RBFOX1: variants seen among roughly 807,000 people sequenced by gnomAD.
RBFOX1 encodes RNA binding protein fox-1 homolog 1.
A neutral mutation model predicts 57.7 loss-of-function variants in RBFOX1; 8 were observed. The observed-to-expected ratio is 0.14, with a 90% confidence interval of 0.08 to 0.25. The LOEUF (loss-of-function observed/expected upper bound fraction) is 0.25, where lower values mean the gene tolerates loss of function less well. Ranked by LOEUF, RBFOX1 falls within the 10% of genes least tolerant of loss-of-function variation. The probability of loss-of-function intolerance (pLI) is 1.00; values close to 1 mark genes in which losing one functional copy is unlikely to be tolerated. For synonymous variants in RBFOX1, 326 were observed against 222.4 expected, an observed-to-expected ratio of 1.47 and a Z score of -4.15; for missense variants, 611 against 548.5, an observed-to-expected ratio of 1.11 and a Z score of -1.14.
At chr16:7,339,252 C>A (rs948077270) in intron 4 of RBFOX1, among the ~76,000 whole-genome samples, 1 of 152,118 alleles carries the variant, frequency 6.6e-6, no homozygotes, top group Non-Finnish European at 1.5e-5. Context: ...TGTGTTTATT[C>A]AGCAATTATC....
At chr16:7,358,610 G>T (rs191459828) in intron 4 of RBFOX1, among the ~76,000 whole-genome samples, 53 of 152,114 alleles carry the variant, frequency 3.5e-4, no homozygotes, top group African/African-American at 1.2e-3. Flanking sequence ...TGTAGAGACA[G>T]GGTTTCACCA....
chr16:7,185,979 A>C (rs951222083), intron 4 of RBFOX1, among the ~76,000 whole-genome samples: 6 of 152,144 alleles, frequency 3.9e-5, no homozygotes, highest in Admixed American at 3.9e-4. Flanking sequence ...ATTAGTTCCT[A>C]TGTTTATTGG....
In RBFOX1 at chr16:6,623,690, C is replaced by T. The variant is rs373000953; in HGVS notation, c.-63-30913C>T. Among the ~76,000 whole-genome samples the T allele has an allele frequency of 2.0e-4, 30 of 151,830 alleles. No homozygotes were observed. The East Asian group carries it at 2.3e-3, about 12-fold the overall frequency. ...GTTCTCACCTATGAGTGAGAACATGCGGTGTTTGGTTTTTTGTCCTTGCGA... is the reference window on the plus strand; with the variant it reads ...GTTCTCACCTATGAGTGAGAACATGTGGTGTTTGGTTTTTTGTCCTTGCGA... On this transcript the variant is annotated intron_variant, in intron 2 of 15. Transcript: ENST00000550418.
At chr16:6,156,925 G>T (rs1025901351) in intron 1 of RBFOX1, among the ~76,000 whole-genome samples, 1 of 152,082 alleles carries the variant, frequency 6.6e-6, no homozygotes, top group Non-Finnish European at 1.5e-5. Flanking sequence ...CCATAGCCCC[G>T]AACTCCTGAG....
intron 3 of RBFOX1, among the ~76,000 whole-genome samples, chr16:5,699,935 G>C (rs759221766): frequency 2.0e-4 from 30 of 152,158 alleles, no homozygotes; most frequent in Admixed American, 5.9e-4. Flanking sequence ...CCGGGTTCAC[G>C]CCATTCTCCT....
intron 3 of RBFOX1, among the ~76,000 whole-genome samples, chr16:6,834,337 A>G (rs762167567): frequency 6.6e-6 from 1 of 151,888 alleles, no homozygotes; most frequent in African/African-American, 2.4e-5. Flanking sequence ...CGGCCTCCCA[A>G]ATTTGCTGGG....
intron 3 of RBFOX1, among the ~76,000 whole-genome samples, chr16:6,724,198 G>A (rs978759841): frequency 2.0e-5 from 3 of 150,462 alleles, no homozygotes; most frequent in East Asian, 2.0e-4. Flanking sequence ...ACGGCGAGAA[G>A]GCATCTTCCA....
In RBFOX1 at chr16:7,165,763, C is replaced by T. The variant is rs187816137; in HGVS notation, c.27+113665C>T. ...GAATGATTAGATTTAACTTTGTTCT[C>T]CAATTCTTAGACCTGTGACTCTGAA... On this transcript the variant is annotated intron_variant, in intron 4 of 15. Transcript: ENST00000550418. Among the ~76,000 whole-genome samples, 141 of 152,080 alleles carry T rather than the reference C, an allele frequency of 9.3e-4. 1 individual carries two copies. The highest frequency in any genetic ancestry group is 3.0e-3 in the African/African-American group (124 of 41,480).
At chr16:7,022,546 A>T (rs1044422631) in intron 3 of RBFOX1, among the ~76,000 whole-genome samples, 3 of 152,060 alleles carry the variant, frequency 2.0e-5, no homozygotes, top group African/African-American at 7.2e-5. Flanking sequence ...GGCCTTTTTC[A>T]TGATAACCCT....
At chr16:7,007,126 G>T (rs544951932) in intron 3 of RBFOX1, among the ~76,000 whole-genome samples, 1 of 152,296 alleles carries the variant, frequency 6.6e-6, no homozygotes, top group African/African-American at 2.4e-5. Flanking sequence ...GAGGCTCTGG[G>T]AAGAGTCCAT....
intron 4 of RBFOX1, among the ~76,000 whole-genome samples, chr16:7,118,934 T>C (rs1244607205): frequency 6.6e-6 from 1 of 152,176 alleles, no homozygotes; most frequent in Non-Finnish European, 1.5e-5. Flanking sequence ...TAGGAACATG[T>C]GGCAGAGTGT....
At chr16:6,779,166 G>T (rs1349866265) in intron 3 of RBFOX1, among the ~76,000 whole-genome samples, 2 of 151,788 alleles carry the variant, frequency 1.3e-5, no homozygotes, top group Non-Finnish European at 2.9e-5. Flanking sequence ...ACTCCCCCTT[G>T]CTCTCAACTC....
chr16:7,227,877 A>G (rs953507524), intron 4 of RBFOX1, among the ~76,000 whole-genome samples: 10 of 152,300 alleles, frequency 6.6e-5, no homozygotes, highest in Admixed American at 6.5e-4. Context: ...CCTTGCTTTA[A>G]TGATATTAGC....
chr16:6,027,997 G>T (rs192418447), intron 1 of RBFOX1, among the ~76,000 whole-genome samples: 1 of 152,136 alleles, frequency 6.6e-6, no homozygotes, highest in Non-Finnish European at 1.5e-5. Flanking sequence ...GAAAAGTGAC[G>T]GAGCAGGGGA....
intron 2 of RBFOX1, among the ~76,000 whole-genome samples, chr16:5,507,511 C>G (rs142336294): frequency 6.6e-6 from 1 of 152,300 alleles, no homozygotes; most frequent in East Asian, 1.9e-4. Flanking sequence ...GCCACGTACT[C>G]TGTTTTCTGG....
chr16:7,688,110 T>C (rs897241021), intron 14 of RBFOX1, among the ~76,000 whole-genome samples: 6 of 152,114 alleles, frequency 3.9e-5, no homozygotes, highest in African/African-American at 1.4e-4. Context: ...ACAGGTAGAA[T>C]TGGATTTTGT....
intron 3 of RBFOX1, among the ~76,000 whole-genome samples, chr16:6,700,085 G>A (rs546810695): frequency 1.0e-3 from 155 of 152,106 alleles, no homozygotes; most frequent in African/African-American, 3.4e-3. Flanking sequence ...CCCACTCACC[G>A]TAGCATCCCT....
chr16:5,923,162 A>C (rs949392674), intron 4 of RBFOX1, among the ~76,000 whole-genome samples: 3 of 152,252 alleles, frequency 2.0e-5, no homozygotes, highest in African/African-American at 7.2e-5. Flanking sequence ...CAGAGAGGAA[A>C]AACGGCTGCT....
intron 1 of RBFOX1, among the ~76,000 whole-genome samples, chr16:6,051,902 C>T (rs2095555848): frequency 6.6e-6 from 1 of 151,986 alleles, no homozygotes; most frequent in East Asian, 1.9e-4. Context: ...CCTTCCAGTC[C>T]ATCCTTTGAT....
Sources: gnomAD v4.1 joint callset for allele counts (sites outside exome capture counted in the v4.1 genomes callset) on GRCh38, gnomAD v4.1.1 for gene constraint, MANE v1.5 for transcripts, NCBI Gene and HGNC (gene_info 2026-07-23, HGNC 2026-07-21) for gene names.